MAP3K4: variants seen among roughly 807,000 people sequenced by gnomAD.
The protein encoded by MAP3K4 is MAP three kinase 1.
MAP3K4 carries 67 observed loss-of-function variants against 185.6 expected under a neutral mutation model. That is an observed-to-expected ratio of 0.36 (90% confidence interval 0.30 to 0.44). The LOEUF is 0.44. MAP3K4 is among the 20% of genes least tolerant of loss of function. The pLI, the probability that MAP3K4 is intolerant of heterozygous loss-of-function variation, is 1.00. For missense variants in MAP3K4, 1,551 were observed against 1,995.1 expected (o/e 0.78, Z 4.24); for synonymous variants, 702 against 710.4 (o/e 0.99, Z 0.19).
intron 1 of MAP3K4, among the ~76,000 whole-genome samples, chr6:161,027,442 A>T (rs993570610): frequency 1.3e-5 from 2 of 152,210 alleles, no homozygotes; most frequent in Non-Finnish European, 2.9e-5. Flanking sequence ...TTAAAAAAAA[A>T]TTGCCTTCAA....
rs570906640 is a variant in MAP3K4, at chr6:161,074,701, T to C, written c.2097+1089T>C. 1.3e-3 allele frequency among the ~76,000 whole-genome samples: 193 copies of C among 152,362 alleles called. 1 individual carries two copies. Among genetic ancestry groups the C allele is most frequent in the Admixed American group, 2.2e-3 (34 of 15,308 alleles). On this transcript the variant is annotated intron_variant, in intron 5 of 26. Coordinates refer to ENST00000392142, the MANE Select transcript of MAP3K4 (RefSeq NM_005922.4). This position sits in a 1 kb window ranked among gnomAD's most constrained non-coding sequence, Gnocchi z 5.0. ...GGTATATGCATAGATGATTACGTAATGTGACAGGTTAATGAAATAATAAAA... is the reference window on the plus strand; with the variant it reads ...GGTATATGCATAGATGATTACGTAACGTGACAGGTTAATGAAATAATAAAA...
chr6:160,992,234 C>T lies in MAP3K4; in HGVS notation c.152+151C>T, dbSNP rs1780750972. On this transcript the variant is annotated intron_variant, in intron 1 of 26. Coordinates refer to ENST00000392142, the MANE Select transcript of MAP3K4 (RefSeq NM_005922.4). The stretch of plus-strand genomic sequence containing the variant: ...GGGGCGGGAGGGGCGCGGTGCATCC[C>T]TGGGTCCCAGGGGACCGCGTCTGAG... 7 of 1,126,292 alleles carry T rather than the reference C, an allele frequency of 6.2e-6. No homozygotes were observed. The South Asian group carries it at 1.1e-4, about 17-fold the overall frequency. The allele number at this position is 1,126,292 out of a possible 1,614,324, so 69.8% of individuals were successfully genotyped here.
At chr6:160,992,207 C>A (rs899483678) in intron 1 of MAP3K4, 124 bp downstream of exon 1, 9 of 1,327,758 alleles carry the variant, frequency 6.8e-6, no homozygotes, top group Non-Finnish European at 8.8e-6. Context: ...TCTCTGCAGG[C>A]TGGGGCGGGA....
At chr6:161,014,300 TC>T (rs138399119) in intron 1 of MAP3K4, among the ~76,000 whole-genome samples, 2,457 of 152,320 alleles carry the variant, frequency 0.016, 70 homozygotes, top group African/African-American at 0.057. Flanking sequence ...GGTTAAACTT[TC>T]TTCCTGGGAA....
At chr6:161,005,084 C>T (rs896317291) in intron 1 of MAP3K4, among the ~76,000 whole-genome samples, 7 of 151,852 alleles carry the variant, frequency 4.6e-5, no homozygotes, top group Admixed American at 4.6e-4. Context: ...CTACAACTTT[C>T]TGTATTCAAA....
In MAP3K4 at chr6:161,061,501, G is replaced by T. The variant is rs1784484558; in HGVS notation, c.1708-9107G>T. On this transcript the variant is annotated intron_variant, in intron 3 of 26. Coordinates refer to ENST00000392142, the MANE Select transcript of MAP3K4 (RefSeq NM_005922.4). The surrounding 1 kb of genome is among the most constrained non-coding windows in gnomAD (Gnocchi z 4.2). Reference sequence around the variant, plus strand: ...AATTCACCATTTAAAGTGTTCAGTGGTTCTCTGTATTTGGAGTTGTGCAAC... The same window carrying T: ...AATTCACCATTTAAAGTGTTCAGTGTTTCTCTGTATTTGGAGTTGTGCAAC... Among the ~76,000 whole-genome samples, 1 of 152,138 alleles carries T rather than the reference G, an allele frequency of 6.6e-6. No individual in the cohort carries two copies. The highest frequency in any genetic ancestry group is 2.4e-5 in the African/African-American group (1 of 41,430).
At position 161,086,269 on chromosome 6, in the gene MAP3K4, T is replaced by G. The variant is rs1465581054; in HGVS notation, c.2373-110T>G. ...GTTCCCATTTAAAAAATCCTCAGTCTTTATTTATTACTGTGATTTGGAATT... is the reference window on the plus strand; with the variant it reads ...GTTCCCATTTAAAAAATCCTCAGTCGTTATTTATTACTGTGATTTGGAATT... On this transcript the variant is annotated intron_variant, in intron 7 of 26. Coordinates refer to ENST00000392142, the MANE Select transcript of MAP3K4 (RefSeq NM_005922.4). This position sits in a 1 kb window ranked among gnomAD's most constrained non-coding sequence, Gnocchi z 4.8. 1.0e-5 allele frequency: 6 copies of G among 599,780 alleles called. No individual in the cohort carries two copies. Among genetic ancestry groups the G allele is most frequent in the Non-Finnish European group, 1.7e-5 (6 of 343,394 alleles). The allele number at this position is 599,780 out of a possible 1,614,324, so 37.2% of individuals were successfully genotyped here.
At chr6:161,066,561 A>G (rs1230629623) in intron 3 of MAP3K4, among the ~76,000 whole-genome samples, 1 of 152,018 alleles carries the variant, frequency 6.6e-6, no homozygotes, top group African/African-American at 2.4e-5. Context: ...CTTTAATGAG[A>G]TCTCGTATTA....
At chr6:161,095,337 T>C (rs1211637874) in intron 15 of MAP3K4, among the ~76,000 whole-genome samples, 1 of 152,230 alleles carries the variant, frequency 6.6e-6, no homozygotes, top group Non-Finnish European at 1.5e-5. Context: ...AATGTGTAAA[T>C]TCTAGTGTTC....
In MAP3K4 at chr6:161,084,254, A is replaced by T. The variant is rs1287969201; in HGVS notation, c.2256-247A>T. 6.6e-6 allele frequency among the ~76,000 whole-genome samples: 1 copy of T among 152,250 alleles called. No homozygotes were observed. Among genetic ancestry groups the T allele is most frequent in the East Asian group, 1.9e-4 (1 of 5,204 alleles). On this transcript the variant is annotated intron_variant, in intron 6 of 26. Transcript: ENST00000392142. The surrounding 1 kb of genome is among the most constrained non-coding windows in gnomAD (Gnocchi z 4.6). ...TGTACTAATTCCATAGCTACTATGA[A>T]TACAGTTTAAGATTTTAAGGTTTAT...
At chr6:161,021,969 C>T (rs1313414393) in intron 1 of MAP3K4, among the ~76,000 whole-genome samples, 7 of 152,074 alleles carry the variant, frequency 4.6e-5, no homozygotes, top group Non-Finnish European at 8.8e-5. Context: ...AAATGGTGTA[C>T]ATTTAACACA....
chr6:161,048,551 A>G lies in MAP3K4; in HGVS notation c.344-65A>G, dbSNP rs1214877192. On this transcript the variant is annotated intron_variant, in intron 2 of 26. Transcript: ENST00000392142. This position sits in a 1 kb window ranked among gnomAD's most constrained non-coding sequence, Gnocchi z 4.7. ...TATGTGTGAATACCAGTTTTATTGA[A>G]AATATTGAGAGTAGCTTCATATTTT... 7.2e-6 allele frequency: 8 copies of G among 1,109,708 alleles called. No homozygotes were observed. The Admixed American group carries it at 2.1e-4, about 29-fold the overall frequency. 68.7% of individuals were successfully genotyped at this position (1,109,708 alleles called of 1,614,324 possible). A position where few individuals can be genotyped will look rare whatever the true frequency, so the allele number is the denominator to read the frequency against.
At position 161,059,113 on chromosome 6, in the gene MAP3K4, G is replaced by A. The variant is rs899373375; in HGVS notation, c.1707+9134G>A. Among the ~76,000 whole-genome samples the A allele has an allele frequency of 8.0e-5, 12 of 150,558 alleles. No homozygotes were observed. The Admixed American group carries it at 8.0e-4, about 10-fold the overall frequency. On this transcript the variant is annotated intron_variant, in intron 3 of 26. Transcript: ENST00000392142. Reference sequence around the variant, plus strand: ...TTCCTCATTTTTATAACCATGATCAGCAAAAAATGTTATTTCATTGATTGA... The same window carrying A: ...TTCCTCATTTTTATAACCATGATCAACAAAAAATGTTATTTCATTGATTGA...
chr6:161,109,928 C>T lies in MAP3K4; in HGVS notation c.4396+14C>T, dbSNP rs149856581. 1.3e-4 allele frequency: 202 copies of T among 1,612,692 alleles called. No individual in the cohort carries two copies. In the African/African-American group the frequency reaches 2.1e-3, roughly 17 times the overall value. ...GTGACATTAAAGGTAATCCCACACC[C>T]GCCTGGCTGCTGTGGGCCAGAGCCA... On this transcript the variant is annotated intron_variant, in intron 23 of 26. Coordinates refer to ENST00000392142, the MANE Select transcript of MAP3K4 (RefSeq NM_005922.4). This position sits in a 1 kb window ranked among gnomAD's most constrained non-coding sequence, Gnocchi z 5.7.
intron 1 of MAP3K4, 167 bp downstream of exon 1, chr6:160,992,250 C>G (rs559290424): frequency 1.1e-6 from 1 of 943,968 alleles, no homozygotes; most frequent in African/African-American, 1.8e-5. Flanking sequence ...CCCAGGGGAC[C>G]GCGTCTGAGT....
rs112483973 is a variant in MAP3K4 at position 161,112,837 on chromosome 6, G to C, written c.4626+63G>C. 1.4e-5 allele frequency: 15 copies of C among 1,084,442 alleles called. No individual in the cohort carries two copies. The African/African-American group carries it at 1.4e-4, about 10-fold the overall frequency. The allele number at this position is 1,084,442 out of a possible 1,614,324, so 67.2% of individuals were successfully genotyped here. On this transcript the variant is annotated intron_variant, in intron 25 of 26. Transcript: ENST00000392142. This position sits in a 1 kb window ranked among gnomAD's most constrained non-coding sequence, Gnocchi z 5.1. Reference sequence around the variant, plus strand: ...AAGGGCACTGTGCATTAACAGAACAGTAGTTATGGATTGATTATTTATTAC... The same window carrying C: ...AAGGGCACTGTGCATTAACAGAACACTAGTTATGGATTGATTATTTATTAC...
rs1334801925 is a variant in MAP3K4, at chr6:161,110,142, T to G, written c.4396+228T>G. Reference sequence around the variant, plus strand: ...GTTCAACACTGCTTTTAGAGAAATCTGTTTTCCCAAAATGAAGTTTGCTAT... The same window carrying G: ...GTTCAACACTGCTTTTAGAGAAATCGGTTTTCCCAAAATGAAGTTTGCTAT... On this transcript the variant is annotated intron_variant, in intron 23 of 26. Transcript: ENST00000392142. This position sits in a 1 kb window ranked among gnomAD's most constrained non-coding sequence, Gnocchi z 4.8. Among the ~76,000 whole-genome samples the G allele has an allele frequency of 6.6e-6, 1 of 152,236 alleles. No individual in the cohort carries two copies. The highest frequency in any genetic ancestry group is 2.4e-5 in the African/African-American group (1 of 41,460).
In MAP3K4 at chr6:161,034,571, A is replaced by ATT; in HGVS notation, c.343+122_343+123insTT. The ATT allele has an allele frequency of 1.5e-6, 1 of 674,448 alleles. No individual in the cohort carries two copies. Among genetic ancestry groups the ATT allele is most frequent in the Non-Finnish European group, 2.1e-6 (1 of 477,288 alleles). 41.8% of individuals were successfully genotyped at this position (674,448 alleles called of 1,614,324 possible). A position where few individuals can be genotyped will look rare whatever the true frequency, so the allele number is the denominator to read the frequency against. On this transcript the variant is annotated intron_variant, in intron 2 of 26. Transcript: ENST00000392142. This position sits in a 1 kb window ranked among gnomAD's most constrained non-coding sequence, Gnocchi z 4.4. ...TGATTTTAATGCTCCTGTAAAGTTCAATTTTTTTTTGAATTATTACCATTA... is the reference window on the plus strand; with the variant it reads ...TGATTTTAATGCTCCTGTAAAGTTCATTATTTTTTTTTGAATTATTACCATTA...
rs571741266 is a variant in MAP3K4, at chr6:161,112,864, A to G, written c.4626+90A>G. On this transcript the variant is annotated intron_variant, in intron 25 of 26. Coordinates refer to ENST00000392142, the MANE Select transcript of MAP3K4 (RefSeq NM_005922.4). The surrounding 1 kb of genome is among the most constrained non-coding windows in gnomAD (Gnocchi z 5.1). ...AGTTATGGATTGATTATTTATTACA[A>G]ACACTGTGGACACTAAATAGCGAAC... 7.4e-5 allele frequency: 58 copies of G among 784,674 alleles called. No individual in the cohort carries two copies. The South Asian group carries it at 2.1e-3, about 28-fold the overall frequency. 48.6% of individuals were successfully genotyped at this position (784,674 alleles called of 1,614,324 possible). A position where few individuals can be genotyped will look rare whatever the true frequency, so the allele number is the denominator to read the frequency against.
Sources: allele counts gnomAD v4.1 joint callset (sites outside exome capture counted in the v4.1 genomes callset), GRCh38; gene constraint gnomAD v4.1.1; non-coding constraint Gnocchi (gnomAD v3.1); transcripts MANE v1.5; gene names NCBI Gene and HGNC (gene_info 2026-07-23, HGNC 2026-07-21).